Variants in LRP1B observed in about 807,000 individuals in gnomAD.
The protein encoded by LRP1B is LDL receptor related protein 1B.
A neutral mutation model predicts 556.6 loss-of-function variants in LRP1B; 217 were observed. The observed-to-expected ratio is 0.39, with a 90% confidence interval of 0.35 to 0.44. The LOEUF (loss-of-function observed/expected upper bound fraction) is 0.44. LRP1B is among the 20% of genes least tolerant of loss of function. The pLI is 1.00. For missense variants in LRP1B, 5,053 were observed against 5,620.8 expected, an observed-to-expected ratio of 0.90 and a Z score of 3.23; for synonymous variants, 2,047 against 1,865.8, an observed-to-expected ratio of 1.10 and a Z score of -2.50.
intron 1 of LRP1B, among the ~76,000 whole-genome samples, chr2:141,948,681 T>C (rs1039789291): frequency 6.6e-6 from 1 of 152,090 alleles, no homozygotes; most frequent in South Asian, 2.1e-4. Flanking sequence ...GTTATAAATA[T>C]GATTATCAAG....
chr2:141,876,815 G>A lies in LRP1B; in HGVS notation c.83-66414C>T, dbSNP rs140540167. 5.9e-4 allele frequency among the ~76,000 whole-genome samples: 90 copies of A among 151,706 alleles called. 1 individual carries two copies. Among genetic ancestry groups the A allele is most frequent in the African/African-American group, 2.0e-3 (83 of 41,430 alleles). ...CTGTGAGAAATAACCCCCAACCCCC[G>A]ACACACAAATTACAAATGTCTATAC... On this transcript the variant is annotated intron_variant, in intron 1 of 90. Coordinates refer to ENST00000389484, the MANE Select transcript of LRP1B (RefSeq NM_018557.3).
intron 2 of LRP1B, among the ~76,000 whole-genome samples, chr2:141,644,764 C>G (rs1241127935): frequency 6.8e-6 from 1 of 146,622 alleles, no homozygotes; most frequent in African/African-American, 2.6e-5. Flanking sequence ...CACACACACG[C>G]ATACACATGC....
At chr2:141,522,218 CTT>C (rs1430320884) in intron 2 of LRP1B, among the ~76,000 whole-genome samples, 1 of 152,118 alleles carries the variant, frequency 6.6e-6, no homozygotes, top group Non-Finnish European at 1.5e-5. Context: ...AACATGACCT[CTT>C]GTTTTGCACA....
intron 1 of LRP1B, among the ~76,000 whole-genome samples, chr2:141,983,381 A>G (rs1191223217): frequency 6.6e-6 from 1 of 152,180 alleles, no homozygotes. Context: ...CTGTTCCATC[A>G]GGGCAAAACC....
intron 5 of LRP1B, among the ~76,000 whole-genome samples, chr2:141,240,830 A>G (rs1481818210): frequency 6.6e-6 from 1 of 152,122 alleles, no homozygotes; most frequent in Non-Finnish European, 1.5e-5. Flanking sequence ...CAATAAAAAT[A>G]TGTTATGAAG....
chr2:141,527,932 C>A (rs1684744912), intron 2 of LRP1B, among the ~76,000 whole-genome samples: 1 of 152,000 alleles, frequency 6.6e-6, no homozygotes, highest in Admixed American at 6.6e-5. Flanking sequence ...TATAATACGC[C>A]TCCTACATGT....
chr2:140,918,450 T>C (rs1393865942), intron 21 of LRP1B, among the ~76,000 whole-genome samples: 1 of 151,932 alleles, frequency 6.6e-6, no homozygotes, highest in African/African-American at 2.4e-5. Context: ...TTCCTAGAGG[T>C]GGAATTGTGG....
At chr2:141,849,242 T>A (rs553738943) in intron 1 of LRP1B, among the ~76,000 whole-genome samples, 28 of 151,816 alleles carry the variant, frequency 1.8e-4, no homozygotes, top group African/African-American at 6.7e-4. Context: ...TTGGGTTTTC[T>A]TGGTGTATAA....
At chr2:141,627,305 T>C (rs1398827150) in intron 2 of LRP1B, among the ~76,000 whole-genome samples, 1 of 152,166 alleles carries the variant, frequency 6.6e-6, no homozygotes, top group Non-Finnish European at 1.5e-5. Flanking sequence ...GAGGAATAAG[T>C]AGGCAGAGCA....
chr2:141,424,301 C>T (rs1293167872), intron 3 of LRP1B, among the ~76,000 whole-genome samples: 4 of 151,958 alleles, frequency 2.6e-5, no homozygotes, highest in East Asian at 1.9e-4. Flanking sequence ...TTAGTAGAGA[C>T]GGGGTTTCTC....
At chr2:141,124,256 C>A (rs1701141173) in intron 7 of LRP1B, among the ~76,000 whole-genome samples, 1 of 152,048 alleles carries the variant, frequency 6.6e-6, no homozygotes, top group African/African-American at 2.4e-5. Flanking sequence ...TGTTTGACTC[C>A]CAAGGCCACT....
At chr2:140,291,743 T>G (rs1051587162) in intron 84 of LRP1B, among the ~76,000 whole-genome samples, 1 of 152,152 alleles carries the variant, frequency 6.6e-6, no homozygotes, top group Admixed American at 6.5e-5. Context: ...AAGTGTTTGC[T>G]ATTGTGAATA....
Position 140,828,777 on chromosome 2 carries a change from G to C in LRP1B, c.5209+11214C>G, listed in dbSNP as rs1171580324. Among the ~76,000 whole-genome samples the C allele has an allele frequency of 5.9e-5, 2 of 33,628 alleles. 1 individual carries two copies. Among genetic ancestry groups the C allele is most frequent in the Non-Finnish European group, 1.4e-4 (2 of 13,812 alleles). The allele number at this position is 33,628 out of a possible 152,430, so 22.1% of individuals were successfully genotyped here. A position where few individuals can be genotyped will look rare whatever the true frequency, so the allele number is the denominator to read the frequency against. On this transcript the variant is annotated intron_variant, in intron 31 of 90. Transcript: ENST00000389484. ...TGCACTCCAGCCTGGGCGACAGAGC[G>C]AGACTCCGTCTCAAAAAAAAAAAAA... is the stretch of plus-strand genomic sequence containing the variant.
intron 86 of LRP1B, among the ~76,000 whole-genome samples, chr2:140,264,850 TTAATGAGA>T (rs1682127670): frequency 6.6e-6 from 1 of 151,948 alleles, no homozygotes; most frequent in African/African-American, 2.4e-5. Context: ...TGAGTTGAGA[TTAATGAGA>T]TAATAAGAGT....
At chr2:140,779,632 T>C (rs1024308130) in intron 32 of LRP1B, among the ~76,000 whole-genome samples, 18 of 150,042 alleles carry the variant, frequency 1.2e-4, no homozygotes, top group African/African-American at 4.2e-4. Flanking sequence ...GAGTCAGAGG[T>C]TGCAGTGAGG....
At chr2:141,594,569 A>G (rs1687452013) in intron 2 of LRP1B, among the ~76,000 whole-genome samples, 1 of 152,148 alleles carries the variant, frequency 6.6e-6, no homozygotes, top group Admixed American at 6.6e-5. Context: ...GACAAATCAG[A>G]CTAACCTGAG....
chr2:141,332,147 T>G (rs1687679074), intron 3 of LRP1B, among the ~76,000 whole-genome samples: 1 of 152,048 alleles, frequency 6.6e-6, no homozygotes, highest in Non-Finnish European at 1.5e-5. Flanking sequence ...TGCAGACTCC[T>G]TAAGGACAAA....
intron 47 of LRP1B, among the ~76,000 whole-genome samples, chr2:140,530,246 T>G (rs1448014833): frequency 1.3e-5 from 2 of 151,890 alleles, no homozygotes; most frequent in Non-Finnish European, 2.9e-5. Context: ...AAGTGATAGG[T>G]GATTTGTGTG....
intron 66 of LRP1B, among the ~76,000 whole-genome samples, chr2:140,403,394 A>G (rs528444371): frequency 2.2e-4 from 33 of 152,288 alleles, no homozygotes; most frequent in Admixed American, 1.2e-3. Flanking sequence ...ATATGAATAA[A>G]AAATTTTCGA....
Sources: gnomAD v4.1 joint callset for allele counts (sites outside exome capture counted in the v4.1 genomes callset) on GRCh38, gnomAD v4.1.1 for gene constraint, MANE v1.5 for transcripts, NCBI Gene and HGNC (gene_info 2026-07-23, HGNC 2026-07-21) for gene names.